CHTF8: variants seen among roughly 807,000 people sequenced by gnomAD.
CHTF8 encodes chromosome transmission fidelity factor 8, also known as chromosome transmission fidelity protein 8 homolog.
CHTF8 carries 6 observed loss-of-function variants against 11.0 expected under a neutral mutation model. The ratio of observed to expected loss-of-function variants is 0.55; its 90% CI spans 0.30 to 1.08. The LOEUF (loss-of-function observed/expected upper bound fraction) is 1.08, where lower values mean the gene tolerates loss of function less well. CHTF8 is among the 50% of genes least tolerant of loss of function. The pLI is 0.07. For synonymous variants in CHTF8, 53 were observed against 60.5 expected, an observed-to-expected ratio of 0.88 and a Z score of 0.57; for missense variants, 140 against 153.1, an observed-to-expected ratio of 0.91 and a Z score of 0.45.
At chr16:69,130,187 A>T (rs1382795607) in intron 1 of CHTF8, among the ~76,000 whole-genome samples, 1 of 152,268 alleles carries the variant, frequency 6.6e-6, no homozygotes, top group Admixed American at 6.5e-5. Flanking sequence ...GGCAGAAGAA[A>T]GTGTGATATG....
intron 1 of CHTF8, among the ~76,000 whole-genome samples, chr16:69,128,194 T>A (rs1962224279): frequency 6.6e-6 from 1 of 152,192 alleles, no homozygotes; most frequent in Non-Finnish European, 1.5e-5. Context: ...ATTACAGGCG[T>A]GAACCACAGC....
chr16:69,121,551 TA>T, intron 1 of CHTF8, 58 bp from the exon 2 acceptor site: 1 of 1,037,304 alleles, frequency 9.6e-7, no homozygotes, highest in Non-Finnish European at 1.4e-6. Flanking sequence ...TAATGACACC[TA>T]ATGCAACCTC....
chr16:69,123,810 G>A (rs879312275), intron 1 of CHTF8, among the ~76,000 whole-genome samples: 35 of 151,872 alleles, frequency 2.3e-4, no homozygotes, highest in Admixed American at 6.6e-5. Flanking sequence ...GACTTTGGCC[G>A]GGAGCAGTAG....
intron 1 of CHTF8, among the ~76,000 whole-genome samples, chr16:69,129,041 G>A (rs938911289): frequency 3.1e-4 from 47 of 151,842 alleles, no homozygotes; most frequent in African/African-American, 1.1e-3. Flanking sequence ...TCTAGCCTGG[G>A]TGACAGAGCA....
Position 69,120,192 on chromosome 16 carries a change from CAATGAGCCT to C in CHTF8, c.*224_*232del, listed in dbSNP as rs1961529236. 1.4e-6 allele frequency: 1 copy of C among 701,990 alleles called. No homozygotes were observed. The highest frequency in any genetic ancestry group is 1.7e-5 in the African/African-American group (1 of 57,216). 43.5% of individuals were successfully genotyped at this position (701,990 alleles called of 1,614,324 possible). On this transcript the variant is annotated 3_prime_UTR_variant, in exon 4 of 4. Transcript: ENST00000448552. The surrounding 1 kb of genome is among the most constrained non-coding windows in gnomAD (Gnocchi z 4.0). ...CCGGGAAAGGTGCTGGATTTGAAGC[CAATGAGCCT>C]GATGAAGCTGGAAAAGGAGATGGGT...
In CHTF8 at chr16:69,120,158, G is replaced by A. The variant is rs1280716508; in HGVS notation, c.*267C>T. The A allele has an allele frequency of 8.6e-6, 6 of 701,342 alleles. No homozygotes were observed. Among genetic ancestry groups the A allele is most frequent in the Admixed American group, 2.0e-5 (1 of 50,008 alleles). 43.4% of individuals were successfully genotyped at this position (701,342 alleles called of 1,614,324 possible). A position where few individuals can be genotyped will look rare whatever the true frequency, so the allele number is the denominator to read the frequency against. ...GGAAAAGAAGCCATACTTGGGTCACGAGCACCAGCCGGGAAAGGTGCTGGA... is the reference window on the plus strand; with the variant it reads ...GGAAAAGAAGCCATACTTGGGTCACAAGCACCAGCCGGGAAAGGTGCTGGA... On this transcript the variant is annotated 3_prime_UTR_variant, in exon 4 of 4. Coordinates refer to ENST00000448552, the MANE Select transcript of CHTF8 (RefSeq NM_001039690.5). The surrounding 1 kb of genome is among the most constrained non-coding windows in gnomAD (Gnocchi z 4.0).
At chr16:69,124,175 T>TG (rs1163689696) in intron 1 of CHTF8, among the ~76,000 whole-genome samples, 2 of 151,958 alleles carry the variant, frequency 1.3e-5, no homozygotes, top group Non-Finnish European at 2.9e-5. Flanking sequence ...GTGGCAAACT[T>TG]GGAGTACTTT....
chr16:69,120,957 A>C lies in CHTF8; in HGVS notation c.141+96T>G, dbSNP rs759002805. On this transcript the variant is annotated intron_variant, in intron 3 of 3. Transcript: ENST00000448552. The surrounding 1 kb of genome is among the most constrained non-coding windows in gnomAD (Gnocchi z 4.0). ...GCAGATTAGCTAGGCCTTGAATAAC[A>C]AACCTGAGGCAGTCCTCACTCTGGG... is the stretch of plus-strand genomic sequence containing the variant. 17 of 1,049,692 alleles carry C rather than the reference A, an allele frequency of 1.6e-5. No homozygotes were observed. The South Asian group carries it at 2.1e-4, about 13-fold the overall frequency. 65.0% of individuals were successfully genotyped at this position (1,049,692 alleles called of 1,614,324 possible). A position where few individuals can be genotyped will look rare whatever the true frequency, so the allele number is the denominator to read the frequency against.
intron 1 of CHTF8, among the ~76,000 whole-genome samples, chr16:69,123,571 C>T (rs921345883): frequency 2.9e-4 from 44 of 151,978 alleles, no homozygotes; most frequent in Admixed American, 2.8e-3. Flanking sequence ...GTAAGAGAAT[C>T]ACTTGAACCC....
At chr16:69,127,902 G>T (rs1212566789) in intron 1 of CHTF8, among the ~76,000 whole-genome samples, 2 of 151,122 alleles carry the variant, frequency 1.3e-5, no homozygotes, top group Non-Finnish European at 3.0e-5. Context: ...GAACCACCGT[G>T]CCCGGCCAAA....
chr16:69,125,498 A>G (rs956861949), intron 1 of CHTF8, among the ~76,000 whole-genome samples: 7 of 152,320 alleles, frequency 4.6e-5, no homozygotes, highest in Non-Finnish European at 4.4e-5. Flanking sequence ...CAAAGGAAAA[A>G]AAGTATTAAT....
At chr16:69,129,273 A>T (rs7197537) in intron 1 of CHTF8, among the ~76,000 whole-genome samples, 34,523 of 151,244 alleles carry the variant, frequency 0.23, 4,324 homozygotes, top group African/African-American at 0.31. Context: ...CAGTAAAAAT[A>T]CAAAAAATTA....
chr16:69,132,303 C>G (rs1202852470), intron 1 of CHTF8, among the ~76,000 whole-genome samples, 181 bp downstream of exon 1: 2 of 146,950 alleles, frequency 1.4e-5, no homozygotes, highest in African/African-American at 5.0e-5. Context: ...CGCCCTCCCC[C>G]TTCCCGGCCA....
intron 2 of CHTF8, 69 bp from the exon 3 acceptor site, chr16:69,121,239 C>A (rs549595126): frequency 5.6e-4 from 796 of 1,433,864 alleles, no homozygotes; most frequent in Non-Finnish European, 7.3e-4. Flanking sequence ...CTCACACCAC[C>A]ATTTGAGGCC....
At chr16:69,125,246 C>T (rs1423300029) in intron 1 of CHTF8, among the ~76,000 whole-genome samples, 1 of 152,122 alleles carries the variant, frequency 6.6e-6, no homozygotes, top group African/African-American at 2.4e-5. Context: ...TAGCAGCTAA[C>T]ATGTTTTGAA....
intron 1 of CHTF8, among the ~76,000 whole-genome samples, chr16:69,124,621 C>G (rs546285329): frequency 6.6e-6 from 1 of 151,902 alleles, no homozygotes; most frequent in African/African-American, 2.4e-5. Context: ...GTGATCCACC[C>G]GCCTCAGCCT....
intron 1 of CHTF8, among the ~76,000 whole-genome samples, chr16:69,131,009 A>G (rs1332374817): frequency 6.6e-6 from 1 of 152,104 alleles, no homozygotes; most frequent in Non-Finnish European, 1.5e-5. Flanking sequence ...CCGAATACAG[A>G]TTATTTTTAT....
Position 69,118,324 on chromosome 16 carries a change from T to C in CHTF8, c.*2101A>G, listed in dbSNP as rs1810758956. 1 of 1,324,570 alleles carries C rather than the reference T, an allele frequency of 7.5e-7. No homozygotes were observed. Among genetic ancestry groups the C allele is most frequent in the Non-Finnish European group, 1.1e-6 (1 of 916,028 alleles). 82.1% of individuals were successfully genotyped at this position (1,324,570 alleles called of 1,614,324 possible). A position where few individuals can be genotyped will look rare whatever the true frequency, so the allele number is the denominator to read the frequency against. Reference sequence around the variant, plus strand: ...GCATTCGGTGGGTCTTTCTTTGAAGTGGTTGTCCATCTCCCTGTTCTGTGT... The same window carrying C: ...GCATTCGGTGGGTCTTTCTTTGAAGCGGTTGTCCATCTCCCTGTTCTGTGT... On this transcript the variant is annotated 3_prime_UTR_variant, in exon 4 of 4. Coordinates refer to ENST00000448552, the MANE Select transcript of CHTF8 (RefSeq NM_001039690.5).
At chr16:69,122,735 T>C (rs1038476808) in intron 1 of CHTF8, among the ~76,000 whole-genome samples, 1 of 151,730 alleles carries the variant, frequency 6.6e-6, no homozygotes, top group Non-Finnish European at 1.5e-5. Context: ...AGAGACGAGG[T>C]TTCTTCATGT....
Sources: gnomAD v4.1 joint callset for allele counts (sites outside exome capture counted in the v4.1 genomes callset) on GRCh38, gnomAD v4.1.1 for gene constraint, Gnocchi (gnomAD v3.1) non-coding constraint, MANE v1.5 for transcripts, NCBI Gene and HGNC (gene_info 2026-07-23, HGNC 2026-07-21) for gene names.